CBFA2T3: variants seen among roughly 807,000 people sequenced by gnomAD.
CBFA2T3 encodes the protein CBFA2/RUNX1 partner transcriptional co-repressor 3.
Under a neutral mutation model 58.6 loss-of-function variants are expected in CBFA2T3, and 31 were observed. That is an observed-to-expected ratio of 0.53 (90% CI 0.40 to 0.71). The LOEUF is 0.71. Ranked by LOEUF, CBFA2T3 falls within the 30% of genes least tolerant of loss-of-function variation. CBFA2T3 has a pLI of 0.00. For missense variants in CBFA2T3, 1,076 were observed against 963.1 expected, an observed-to-expected ratio of 1.12 and a Z score of -1.55; for synonymous variants, 531 against 421.9, an observed-to-expected ratio of 1.26 and a Z score of -3.17.
rs1969377171 is a variant in CBFA2T3 at position 88,886,388 on chromosome 16, T to C, written c.712-246A>G. On this transcript the variant is annotated intron_variant, in intron 5 of 11. Transcript: ENST00000268679. ...CTGGGCCACACGGCGATGTGGGGCA[T>C]GTGGGACTTGAGCCCAGATCCTGGA... is the stretch of plus-strand genomic sequence containing the variant. The C allele has an allele frequency of 1.0e-5, 4 of 383,138 alleles. No homozygotes were observed. The South Asian group carries it at 3.7e-4, about 36-fold the overall frequency. 23.7% of individuals were successfully genotyped at this position (383,138 alleles called of 1,614,324 possible). A position where few individuals can be genotyped will look rare whatever the true frequency, so the allele number is the denominator to read the frequency against.
At chr16:88,897,173 A>G (rs796073980) in intron 3 of CBFA2T3, among the ~76,000 whole-genome samples, 4 of 152,220 alleles carry the variant, frequency 2.6e-5, no homozygotes, top group Non-Finnish European at 5.9e-5. Flanking sequence ...TTTGCCATCC[A>G]TAAGATCACA....
At chr16:88,934,071 T>C (rs1304805934) in intron 1 of CBFA2T3, among the ~76,000 whole-genome samples, 12 of 152,374 alleles carry the variant, frequency 7.9e-5, no homozygotes, top group African/African-American at 2.6e-4. Flanking sequence ...TCTTCCCTTT[T>C]TCAACGTGGC....
chr16:88,943,690 C>T (rs960431788), intron 1 of CBFA2T3, among the ~76,000 whole-genome samples: 1 of 152,196 alleles, frequency 6.6e-6, no homozygotes, highest in Admixed American at 6.5e-5. Flanking sequence ...TGCGGATGCT[C>T]CCGGAACGCC....
rs946058360 is a variant in CBFA2T3, at chr16:88,875,764, A to G, written c.*1212T>C. ...GAGAATCAACCCAAAAGATTGTCAC[A>G]GTTTTGTTTCGGAATTATGCTCTCT... is the stretch of plus-strand genomic sequence containing the variant. On this transcript the variant is annotated 3_prime_UTR_variant, in exon 12 of 12. Coordinates refer to ENST00000268679, the MANE Select transcript of CBFA2T3 (RefSeq NM_005187.6). 4.3e-6 allele frequency: 1 copy of G among 233,502 alleles called. No homozygotes were observed. The highest frequency in any genetic ancestry group is 2.2e-5 in the African/African-American group (1 of 45,330). The allele number at this position is 233,502 out of a possible 1,614,324, so 14.5% of individuals were successfully genotyped here. A position where few individuals can be genotyped will look rare whatever the true frequency, so the allele number is the denominator to read the frequency against.
chr16:88,922,116 TGGCTGA>T (rs934801438), intron 1 of CBFA2T3, among the ~76,000 whole-genome samples: 9 of 152,202 alleles, frequency 5.9e-5, no homozygotes, highest in Non-Finnish European at 7.3e-5. Flanking sequence ...CTGGGTTCAA[TGGCTGA>T]GGCTGGCCTG....
intron 1 of CBFA2T3, among the ~76,000 whole-genome samples, chr16:88,960,078 G>A (rs1169377744): frequency 1.3e-5 from 2 of 150,672 alleles, no homozygotes; most frequent in Non-Finnish European, 2.9e-5. Context: ...AAGGTTCCAA[G>A]GAAAGATGAG....
At chr16:88,916,929 G>A (rs544924042) in intron 1 of CBFA2T3, among the ~76,000 whole-genome samples, 1 of 151,956 alleles carries the variant, frequency 6.6e-6, no homozygotes, top group South Asian at 2.1e-4. Context: ...CTAGACGGGC[G>A]CAGAAGCACG....
chr16:88,960,447 A>G (rs554989883), intron 1 of CBFA2T3, among the ~76,000 whole-genome samples: 1 of 152,354 alleles, frequency 6.6e-6, no homozygotes, highest in South Asian at 2.1e-4. Context: ...ACATTTGAAC[A>G]CTATTGATTT....
At chr16:88,948,320 TG>T (rs1250175850) in intron 1 of CBFA2T3, among the ~76,000 whole-genome samples, 2 of 152,184 alleles carry the variant, frequency 1.3e-5, no homozygotes. Flanking sequence ...AGTGGGGAGC[TG>T]GGGGCAAGGC....
In CBFA2T3 at chr16:88,876,599, G is replaced by A. The variant is rs888478358; in HGVS notation, c.*377C>T. 9 of 279,010 alleles carry A rather than the reference G, an allele frequency of 3.2e-5. No individual in the cohort carries two copies. The highest frequency in any genetic ancestry group is 6.4e-5 in the African/African-American group (3 of 46,744). The allele number at this position is 279,010 out of a possible 1,614,324, so 17.3% of individuals were successfully genotyped here. On this transcript the variant is annotated 3_prime_UTR_variant, in exon 12 of 12. Coordinates refer to ENST00000268679, the MANE Select transcript of CBFA2T3 (RefSeq NM_005187.6). ...TGTGTGATAGTCATAGAGAGAGAGA[G>A]GATAGAGAAGACAGAGGGGGAGAGA...
rs184677645 is a variant in CBFA2T3 at position 88,930,676 on chromosome 16, G to A, written c.152-29020C>T. Among the ~76,000 whole-genome samples the A allele has an allele frequency of 8.0e-3, 1,144 of 142,240 alleles. 12 individuals carry two copies. The highest frequency in any genetic ancestry group is 0.029 in the African/African-American group (1,088 of 37,562). The allele number at this position is 142,240 out of a possible 152,430, so 93.3% of individuals were successfully genotyped here. ...GAGCGGGGGCAGACTGAGGGCTGGG[G>A]GTGGAGGAGCGAGGAGATGGGGAGG... On this transcript the variant is annotated intron_variant, in intron 1 of 11. Transcript: ENST00000268679.
chr16:88,921,982 C>A (rs960567159), intron 1 of CBFA2T3, among the ~76,000 whole-genome samples: 1 of 152,268 alleles, frequency 6.6e-6, no homozygotes, highest in African/African-American at 2.4e-5. Flanking sequence ...GAGGCCCACA[C>A]AAGCAACTGC....
chr16:88,877,862 T>G (rs992977150), intron 11 of CBFA2T3, among the ~76,000 whole-genome samples: 1 of 152,236 alleles, frequency 6.6e-6, no homozygotes, highest in African/African-American at 2.4e-5. Context: ...AGCATATTTC[T>G]TCTTGGGGCC....
Position 88,882,710 on chromosome 16 carries a change from C to G in CBFA2T3, c.1169G>C (p.Arg390Pro). ...GTGCTTCCACTCTTCTGCCCACTCACGCTCTGTGAGCTTGTGGTCGATCAC... is the reference window on the plus strand; with the variant it reads ...GTGCTTCCACTCTTCTGCCCACTCAGGCTCTGTGAGCTTGTGGTCGATCAC... ...EEVIDHKLTE[R>P]EWAEEWKHLN... is the part of the protein sequence containing the mutation. Residue 390 changes from arginine (R) to proline (P), a missense_variant, in exon 8 of 12, where the codon CGT becomes CCT. Physicochemically the swap from Arg to Pro is moderately radical, Grantham distance 103 (BLOSUM62 -2). Coordinates refer to ENST00000268679, the MANE Select transcript of CBFA2T3 (RefSeq NM_005187.6). The G allele has an allele frequency of 6.3e-7, 1 of 1,591,100 alleles. No homozygotes were observed. Among genetic ancestry groups the G allele is most frequent in the Non-Finnish European group, 8.6e-7 (1 of 1,169,104 alleles).
At chr16:88,961,440 A>C (rs1226392735) in intron 1 of CBFA2T3, among the ~76,000 whole-genome samples, 5 of 141,782 alleles carry the variant, frequency 3.5e-5, no homozygotes, top group African/African-American at 1.3e-4. Flanking sequence ...AGCGCTGGAC[A>C]TTCCCACTGC....
rs753465875 is a variant in CBFA2T3, at chr16:88,898,171, G to C, written c.305-19C>G. 8.1e-6 allele frequency: 13 copies of C among 1,600,276 alleles called. No individual in the cohort carries two copies. The East Asian group carries it at 1.8e-4, about 22-fold the overall frequency. ...TCTCGATCTGTAAGCAAAATAAGAA[G>C]AACACGCTGTCAGGAGGGGCGTGGG... On this transcript the variant is annotated intron_variant, in intron 2 of 11. Coordinates refer to ENST00000268679, the MANE Select transcript of CBFA2T3 (RefSeq NM_005187.6).
intron 1 of CBFA2T3, among the ~76,000 whole-genome samples, chr16:88,907,957 T>G (rs963266790): frequency 6.6e-6 from 1 of 152,200 alleles, no homozygotes; most frequent in Non-Finnish European, 1.5e-5. Flanking sequence ...TGGTCAGATG[T>G]CTAAAGGAAG....
chr16:88,912,926 T>A (rs561032784), intron 1 of CBFA2T3, among the ~76,000 whole-genome samples: 35 of 152,272 alleles, frequency 2.3e-4, no homozygotes, highest in African/African-American at 8.2e-4. Flanking sequence ...GCTAATTGAG[T>A]CTGTCCTGCA....
At chr16:88,880,450 G>C (rs749361647) in intron 10 of CBFA2T3, among the ~76,000 whole-genome samples, 2 of 152,226 alleles carry the variant, frequency 1.3e-5, no homozygotes, top group Non-Finnish European at 2.9e-5. Context: ...GCGCTTCTGC[G>C]TGCCCTCCTG....
Sources: gnomAD v4.1 joint callset for allele counts (sites outside exome capture counted in the v4.1 genomes callset) on GRCh38, gnomAD v4.1.1 for gene constraint, MANE v1.5 for transcripts, NCBI Gene and HGNC (gene_info 2026-07-23, HGNC 2026-07-21) for gene names.